RGPD4: variants seen among roughly 807,000 people sequenced by gnomAD.
RGPD4 encodes the protein ranBP2-like and GRIP domain-containing protein 4.
RGPD4 carries 84 observed loss-of-function variants against 141.1 expected under a neutral mutation model. The observed-to-expected ratio is 0.60, with a 90% confidence interval of 0.50 to 0.71. The LOEUF is 0.71. RGPD4 is among the 30% of genes least tolerant of loss of function. RGPD4 has a pLI of 0.00. For synonymous variants in RGPD4, 298 were observed against 566.8 expected (o/e 0.53, Z 6.74); for missense variants, 918 against 1,622.4 (o/e 0.57, Z 7.46).
At chr2:107,827,924 A>C (rs1194964882) in intron 1 of RGPD4, among the ~76,000 whole-genome samples, 4,776 of 5,430 alleles carry the variant, frequency 0.88, 2,257 homozygotes, top group East Asian at 0.95. Flanking sequence ...CCTGGCCCGG[A>C]GGCGGCCTCG....
chr2:107,862,770 A>G lies in RGPD4; in HGVS notation c.2294A>G (p.Lys765Arg), dbSNP rs769096799. 18 of 904,280 alleles carry G rather than the reference A, an allele frequency of 2.0e-5. 4 individuals are homozygous for G. In the Admixed American group the frequency reaches 4.0e-4, roughly 20 times the overall value. The allele number at this position is 904,280 out of a possible 1,614,324, so 56.0% of individuals were successfully genotyped here. ...TATAGTGAAGGAGATCCTCTCTATA[A>G]AAATGGTTCTTTGCGAAATGCGGAT... Reference protein sequence around the residue: ...ENYSEGDPLYKNGSLRNADSE... With the variant: ...ENYSEGDPLYRNGSLRNADSE... The change falls in exon 16 of 23, where the codon AAA becomes AGA. Residue 765 changes from lysine to arginine, a missense_variant. Transcript: ENST00000408999.
At chr2:107,883,620 C>T (rs1675430153) in intron 22 of RGPD4, among the ~76,000 whole-genome samples, 2 of 72,252 alleles carry the variant, frequency 2.8e-5, no homozygotes, top group Non-Finnish European at 2.7e-5. Flanking sequence ...AGCGAGACTC[C>T]ATCTCAAAAA....
chr2:107,888,915 C>T lies in RGPD4; in HGVS notation c.5267-1806C>T, dbSNP rs537005330. ...CCTGTGAGAGACCTTGAAATAGAAC[C>T]ATTTCTGATCTCCTGACCCACAGAA... On this transcript the variant is annotated intron_variant, in intron 22 of 22. Transcript: ENST00000408999. 2.1e-3 allele frequency among the ~76,000 whole-genome samples: 296 copies of T among 140,004 alleles called. 1 individual carries two copies. The highest frequency in any genetic ancestry group is 7.4e-3 in the African/African-American group (259 of 35,134). 91.8% of individuals were successfully genotyped at this position (140,004 alleles called of 152,430 possible).
chr2:107,855,508 AT>A (rs1279436014), intron 8 of RGPD4, among the ~76,000 whole-genome samples: 3 of 151,014 alleles, frequency 2.0e-5, no homozygotes, highest in African/African-American at 7.3e-5. Flanking sequence ...AATTGCCTGT[AT>A]TTTTTTTTAT....
intron 1 of RGPD4, among the ~76,000 whole-genome samples, chr2:107,831,175 T>A (rs1681471363): frequency 1.6e-5 from 2 of 124,482 alleles, no homozygotes; most frequent in Non-Finnish European, 3.6e-5. Flanking sequence ...AGACTCTGTC[T>A]CCAAAAAAGA....
chr2:107,848,522 C>A lies in RGPD4; in HGVS notation c.964C>A (p.Leu322Ile). Residue 322 changes from leucine (L) to isoleucine (I), a missense_variant, in exon 7 of 23, where the codon CTC becomes ATC. By Grantham distance (5) the Leu-to-Ile change is conservative. Coordinates refer to ENST00000408999, the MANE Select transcript of RGPD4 (RefSeq NM_182588.3). ...TTCTGAGCTGGCTGCATTGTGCTAT[C>A]TCATAGCATTTCAGGTAAGTCTTCC... ...ALSELAALCY[L>I]IAFQVPRPKI... The A allele has an allele frequency of 6.9e-6, 1 of 145,068 alleles. No homozygotes were observed. The highest frequency in any genetic ancestry group is 1.2e-5 in the Non-Finnish European group (1 of 86,684). 9.0% of individuals were successfully genotyped at this position (145,068 alleles called of 1,614,324 possible).
In RGPD4 at chr2:107,882,730, C is replaced by G; in HGVS notation, c.5123C>G (p.Ala1708Gly). The part of the protein sequence containing the change: ...ERNQEQEESA[A>G]NVEHLKNVLL... ...AATCAAGAGCAAGAGGAGTCTGCAG[C>G]TAACGTGGAACACTTGAAGAACGTC... is the stretch of plus-strand genomic sequence containing the variant. Residue 1708 changes from alanine to glycine, a missense_variant, in exon 22 of 23, where the codon GCT becomes GGT. By Grantham distance (60) the Ala-to-Gly change is moderately conservative. Coordinates refer to ENST00000408999, the MANE Select transcript of RGPD4 (RefSeq NM_182588.3). The G allele has an allele frequency of 6.2e-7, 1 of 1,611,652 alleles. No homozygotes were observed.
intron 1 of RGPD4, among the ~76,000 whole-genome samples, chr2:107,831,610 C>G (rs1387514459): frequency 1.9e-5 from 2 of 105,322 alleles, no homozygotes; most frequent in Non-Finnish European, 3.5e-5. Context: ...GAGTCTCGCT[C>G]TATCGTCCAG....
At chr2:107,878,558 A>G (rs1164174730) in intron 20 of RGPD4, among the ~76,000 whole-genome samples, 2 of 150,842 alleles carry the variant, frequency 1.3e-5, no homozygotes, top group Non-Finnish European at 2.9e-5. Flanking sequence ...TCTAAGGTAC[A>G]TATGCTTTTT....
At chr2:107,845,524 C>T (rs1476040810) in intron 6 of RGPD4, among the ~76,000 whole-genome samples, 59 of 151,042 alleles carry the variant, frequency 3.9e-4, no homozygotes, top group Non-Finnish European at 2.1e-4. Flanking sequence ...AGGGAGGACC[C>T]TGAGGAAGAT....
chr2:107,875,609 T>C (rs1471043601), intron 20 of RGPD4, among the ~76,000 whole-genome samples: 1 of 146,536 alleles, frequency 6.8e-6, no homozygotes, highest in African/African-American at 2.6e-5. Flanking sequence ...GTTTTTTCTG[T>C]TTCTAATTTT....
intron 4 of RGPD4, among the ~76,000 whole-genome samples, chr2:107,840,323 T>C (rs1284939052): frequency 6.6e-6 from 1 of 152,222 alleles, no homozygotes; most frequent in Non-Finnish European, 1.5e-5. Flanking sequence ...TCTTTTTTCA[T>C]TGTTTTTGAG....
At chr2:107,830,349 A>G (rs750444776) in intron 1 of RGPD4, among the ~76,000 whole-genome samples, 6,190 of 151,698 alleles carry the variant, frequency 0.041, 150 homozygotes, top group African/African-American at 0.07. Flanking sequence ...AGCTTAAAAA[A>G]AAAAAAAAAA....
intron 22 of RGPD4, among the ~76,000 whole-genome samples, chr2:107,883,507 G>A (rs998927904): frequency 4.7e-5 from 7 of 150,366 alleles, no homozygotes; most frequent in Non-Finnish European, 5.9e-5. Context: ...GCATGCGCCT[G>A]TAGTCCCAGC....
rs1183926501 is a variant in RGPD4 at position 107,891,026 on chromosome 2, C to T, written c.*295C>T. On this transcript the variant is annotated 3_prime_UTR_variant, in exon 23 of 23. Transcript: ENST00000408999. The stretch of plus-strand genomic sequence containing the variant: ...CTCATGTGATCTCCCATGCATGCTG[C>T]CAGAATAAAACCACCAGGAATGAAT... Among the ~76,000 whole-genome samples the T allele has an allele frequency of 1.3e-5, 2 of 149,658 alleles. No individual in the cohort carries two copies. Among genetic ancestry groups the T allele is most frequent in the South Asian group, 2.1e-4 (1 of 4,664 alleles).
rs569769648 is a variant in RGPD4 at position 107,880,871 on chromosome 2, C to T, written c.5064+764C>T. On this transcript the variant is annotated intron_variant, in intron 21 of 22. Coordinates refer to ENST00000408999, the MANE Select transcript of RGPD4 (RefSeq NM_182588.3). Reference sequence around the variant, plus strand: ...AATGTTGCAGAACAGTTGAGGATTACTCAAATGAGGTATTTCCACCCTGGC... The same window carrying T: ...AATGTTGCAGAACAGTTGAGGATTATTCAAATGAGGTATTTCCACCCTGGC... Among the ~76,000 whole-genome samples, 55 of 150,876 alleles carry T rather than the reference C, an allele frequency of 3.6e-4. 3 individuals carry two copies. Among genetic ancestry groups the T allele is most frequent in the African/African-American group, 1.3e-3 (53 of 40,658 alleles).
At chr2:107,855,898 G>GATT (rs1309111928) in intron 8 of RGPD4, among the ~76,000 whole-genome samples, 1 of 58,756 alleles carries the variant, frequency 1.7e-5, no homozygotes, top group African/African-American at 8.6e-5. Flanking sequence ...TATAGTATGT[G>GATT]GTCTTTTGTG....
At chr2:107,856,322 A>G (rs1427546895) in intron 8 of RGPD4, among the ~76,000 whole-genome samples, 1 of 143,844 alleles carries the variant, frequency 7.0e-6, no homozygotes, top group African/African-American at 2.6e-5. Flanking sequence ...TGGCCTCCCA[A>G]AGTGCTGGGA....
intron 21 of RGPD4, among the ~76,000 whole-genome samples, chr2:107,882,433 A>G (rs918576478): frequency 6.6e-6 from 1 of 151,548 alleles, no homozygotes; most frequent in Non-Finnish European, 1.5e-5. Flanking sequence ...GCAGCTTTGA[A>G]ACTATCTCAT....
Sources: allele counts gnomAD v4.1 joint callset (sites outside exome capture counted in the v4.1 genomes callset), GRCh38; gene constraint gnomAD v4.1.1; transcripts MANE v1.5; gene names NCBI Gene and HGNC (gene_info 2026-07-23, HGNC 2026-07-21).